SPATA33: variants seen among roughly 807,000 people sequenced by gnomAD.
The protein encoded by SPATA33 is spermatogenesis associated 33, also known as spermatogenesis-associated protein 33.
Under a neutral mutation model 8.9 loss-of-function variants are expected in SPATA33, and 10 were observed. That is an observed-to-expected ratio of 1.12 (90% CI 0.69 to 1.90). The LOEUF (loss-of-function observed/expected upper bound fraction) is 1.90. Ranked by LOEUF, SPATA33 falls within the 40% of genes most tolerant of loss-of-function variation. The pLI is 0.00. For missense variants in SPATA33, 241 were observed against 178.3 expected, an observed-to-expected ratio of 1.35 and a Z score of -2.00; for synonymous variants, 96 against 72.8, an observed-to-expected ratio of 1.32 and a Z score of -1.63.
chr16:89,670,266 C>G lies in SPATA33; in HGVS notation c.*769C>G, dbSNP rs1216841993. 2.6e-5 allele frequency: 4 copies of G among 151,364 alleles called. 1 individual carries two copies. The highest frequency in any genetic ancestry group is 2.9e-5 in the Non-Finnish European group (2 of 68,186). 9.4% of individuals were successfully genotyped at this position (151,364 alleles called of 1,614,324 possible). On this transcript the variant is annotated 3_prime_UTR_variant, in exon 3 of 3. Transcript: ENST00000579310. ...GCCCACCCTGTGAGAAACTGCACCC[C>G]CTTCTCCAGTGCTCTCGGGGAGGGT...
At chr16:89,661,883 C>G (rs2059970297) in intron 2 of SPATA33, among the ~76,000 whole-genome samples, 1 of 152,126 alleles carries the variant, frequency 6.6e-6, no homozygotes, top group Non-Finnish European at 1.5e-5. Context: ...GAGGATGAGT[C>G]CGTGTTAATT....
chr16:89,669,524 AC>A lies in SPATA33; in HGVS notation c.*28del. 2 of 1,603,352 alleles carry A rather than the reference AC, an allele frequency of 1.2e-6. No homozygotes were observed. The highest frequency in any genetic ancestry group is 1.3e-5 in the African/African-American group (1 of 74,572). ...CAAGCACCTTTGCATGGCACTCGCT[AC>A]TCCCTGCGATAGGCGTCTCGGGAAC... On this transcript the variant is annotated 3_prime_UTR_variant, in exon 3 of 3. Transcript: ENST00000579310.
At chr16:89,662,590 AT>A (rs1248822129) in intron 2 of SPATA33, among the ~76,000 whole-genome samples, 1 of 150,988 alleles carries the variant, frequency 6.6e-6, no homozygotes, top group African/African-American at 2.4e-5. Context: ...CGCCCAGCTA[AT>A]TTTTTTTGTA....
At chr16:89,660,613 A>G in intron 2 of SPATA33, 1 of 1,161,182 alleles carries the variant, frequency 8.6e-7, no homozygotes, top group Non-Finnish European at 1.1e-6. Context: ...CAAAGGTGGG[A>G]CACTGAGTGA....
Position 89,657,892 on chromosome 16 carries a change from A to T in SPATA33, c.-20A>T, listed in dbSNP as rs372295056. Reference sequence around the variant, plus strand: ...GTGTGGGGACCCGGGCTTGCGTCGGAGGGGGCGGTGGGCTCACCCATGGGC... The same window carrying T: ...GTGTGGGGACCCGGGCTTGCGTCGGTGGGGGCGGTGGGCTCACCCATGGGC... On this transcript the variant is annotated 5_prime_UTR_variant, in exon 1 of 3. Coordinates refer to ENST00000579310, the MANE Select transcript of SPATA33 (RefSeq NM_001271907.2). 9.2e-6 allele frequency: 14 copies of T among 1,515,682 alleles called. No homozygotes were observed. The highest frequency in any genetic ancestry group is 1.2e-5 in the Non-Finnish European group (14 of 1,139,064). 93.9% of individuals were successfully genotyped at this position (1,515,682 alleles called of 1,614,324 possible). A position where few individuals can be genotyped will look rare whatever the true frequency, so the allele number is the denominator to read the frequency against.
At chr16:89,661,731 G>C (rs1243623743) in intron 2 of SPATA33, among the ~76,000 whole-genome samples, 2 of 152,184 alleles carry the variant, frequency 1.3e-5, no homozygotes, top group South Asian at 2.1e-4. Context: ...AAAAAGGAGG[G>C]GATGTTAGAA....
At position 89,660,850 on chromosome 16, in the gene SPATA33, C is replaced by T. The variant is rs910970126; in HGVS notation, c.211+2429C>T. 4 of 1,144,496 alleles carry T rather than the reference C, an allele frequency of 3.5e-6. No individual in the cohort carries two copies. The Admixed American group carries it at 1.9e-4, about 55-fold the overall frequency. 70.9% of individuals were successfully genotyped at this position (1,144,496 alleles called of 1,614,324 possible). On this transcript the variant is annotated intron_variant, in intron 2 of 2. Transcript: ENST00000579310. ...GTCCTGGTCCCTAAGCCCTTCCAGC[C>T]CAGGAGCCAGACCTGTGAGCAAACA...
rs532763438 is a variant in SPATA33 at position 89,668,686 on chromosome 16, C to T, written c.212-600C>T. Among the ~76,000 whole-genome samples, 6 of 152,084 alleles carry T rather than the reference C, an allele frequency of 3.9e-5. No homozygotes were observed. The South Asian group carries it at 6.2e-4, about 16-fold the overall frequency. On this transcript the variant is annotated intron_variant, in intron 2 of 2. Transcript: ENST00000579310. ...CACGAAGGGGGTGGGCGGCTGTGCC[C>T]GAGCTTGTAGCAGTGGCACTCCAGG...
At chr16:89,663,069 G>A (rs2059983953) in intron 2 of SPATA33, among the ~76,000 whole-genome samples, 1 of 151,992 alleles carries the variant, frequency 6.6e-6, no homozygotes, top group Non-Finnish European at 1.5e-5. Context: ...CAGTGTTACA[G>A]GTGTGAGCCA....
chr16:89,669,176 TGCTAACCA>T, intron 2 of SPATA33, 102 bp from the exon 3 acceptor site: 5 of 1,011,418 alleles, frequency 4.9e-6, no homozygotes, highest in Admixed American at 4.1e-5. Context: ...CCATTTTTTC[TGCTAACCA>T]TACATCTTAA....
intron 2 of SPATA33, among the ~76,000 whole-genome samples, chr16:89,662,274 A>G (rs1191440749): frequency 1.4e-5 from 2 of 147,972 alleles, no homozygotes; most frequent in Non-Finnish European, 3.0e-5. Flanking sequence ...AGCCTGGGCA[A>G]TGGAGTGAGA....
chr16:89,660,879 C>G, intron 2 of SPATA33: 1 of 1,096,370 alleles, frequency 9.1e-7, no homozygotes, highest in Non-Finnish European at 1.1e-6. Flanking sequence ...GCAAACAAGC[C>G]TTTAGTGATT....
chr16:89,665,802 C>T (rs1184152358), intron 2 of SPATA33, among the ~76,000 whole-genome samples: 1 of 151,962 alleles, frequency 6.6e-6, no homozygotes, highest in Non-Finnish European at 1.5e-5. Context: ...AAAATGAGGC[C>T]AAGTGTAGTG....
chr16:89,669,520 C>T lies in SPATA33; in HGVS notation c.*23C>T, dbSNP rs368331217. The T allele has an allele frequency of 2.7e-5, 43 of 1,606,664 alleles. No homozygotes were observed. Among genetic ancestry groups the T allele is most frequent in the Non-Finnish European group, 3.1e-5 (36 of 1,175,966 alleles). On this transcript the variant is annotated 3_prime_UTR_variant, in exon 3 of 3. Coordinates refer to ENST00000579310, the MANE Select transcript of SPATA33 (RefSeq NM_001271907.2). ...TAAACAAGCACCTTTGCATGGCACT[C>T]GCTACTCCCTGCGATAGGCGTCTCG...
rs764145176 is a variant in SPATA33 at position 89,669,350 on chromosome 16, G to T, written c.276G>T (p.Thr92=). Residue 92 remains threonine, a synonymous_variant, in exon 3 of 3, where the codon ACG becomes ACT. Transcript: ENST00000579310. ...TGGTCGTTCCACAGATCATCATCAC[G>T]CGAGCGTCGAATGAGACGCTAGTCA... ...KKVVVPQIII[T]RASNETLVSC... 1.2e-6 allele frequency: 2 copies of T among 1,614,180 alleles called. No individual in the cohort carries two copies. The highest frequency in any genetic ancestry group is 1.7e-5 in the Admixed American group (1 of 60,022).
At position 89,669,749 on chromosome 16, in the gene SPATA33, C is replaced by G; in HGVS notation, c.*252C>G. ...TCAGGGAGGGTGCACCAGGCCTGCC[C>G]CCGCCGTGAGAAACTGCAGTCCCCT... On this transcript the variant is annotated 3_prime_UTR_variant, in exon 3 of 3. Coordinates refer to ENST00000579310, the MANE Select transcript of SPATA33 (RefSeq NM_001271907.2). 1.9e-6 allele frequency: 1 copy of G among 519,302 alleles called. No individual in the cohort carries two copies. The highest frequency in any genetic ancestry group is 2.2e-5 in the South Asian group (1 of 46,334). The allele number at this position is 519,302 out of a possible 1,614,324, so 32.2% of individuals were successfully genotyped here. A position where few individuals can be genotyped will look rare whatever the true frequency, so the allele number is the denominator to read the frequency against.
intron 2 of SPATA33, among the ~76,000 whole-genome samples, chr16:89,664,206 T>C (rs1052701172): frequency 2.0e-5 from 3 of 152,174 alleles, no homozygotes; most frequent in African/African-American, 7.2e-5. Context: ...TTATAAACAA[T>C]TGTAGAACAA....
At position 89,658,532 on chromosome 16, in the gene SPATA33, C is replaced by T. The variant is rs779315544; in HGVS notation, c.211+111C>T. ...CGGATGGACACTAGTAGCAGGCACG[C>T]GCCGTAAAGATGAAACTGGTTTGTT... On this transcript the variant is annotated intron_variant, in intron 2 of 2. Transcript: ENST00000579310. The T allele has an allele frequency of 3.6e-6, 5 of 1,382,982 alleles. No homozygotes were observed. In the African/African-American group the frequency reaches 5.9e-5, roughly 16 times the overall value. 85.7% of individuals were successfully genotyped at this position (1,382,982 alleles called of 1,614,324 possible).
At chr16:89,665,458 C>T (rs1245832703) in intron 2 of SPATA33, among the ~76,000 whole-genome samples, 1 of 151,100 alleles carries the variant, frequency 6.6e-6, no homozygotes, top group Non-Finnish European at 1.5e-5. Context: ...GTGCCTGCCA[C>T]CACGCCTGGC....
Sources: gnomAD v4.1 joint callset for allele counts (sites outside exome capture counted in the v4.1 genomes callset) on GRCh38, gnomAD v4.1.1 for gene constraint, MANE v1.5 for transcripts, NCBI Gene and HGNC (gene_info 2026-07-23, HGNC 2026-07-21) for gene names.